NUDC: variants seen among roughly 807,000 people sequenced by gnomAD.
The protein encoded by NUDC is nuclear migration protein nudC.
Under a neutral mutation model 45.0 loss-of-function variants are expected in NUDC, and 14 were observed. The observed-to-expected ratio is 0.31, with a 90% CI of 0.21 to 0.49. The LOEUF is 0.49. NUDC is among the 20% of genes least tolerant of loss of function. The probability of loss-of-function intolerance (pLI) is 0.99; values close to 1 mark genes in which losing one functional copy is unlikely to be tolerated. For missense variants in NUDC, 323 were observed against 426.2 expected (o/e 0.76, Z 2.13); for synonymous variants, 153 against 156.7 (o/e 0.98, Z 0.17).
At chr1:26,945,809 T>G in intron 8 of NUDC, 123 bp downstream of exon 8, 1 of 819,716 alleles carries the variant, frequency 1.2e-6, no homozygotes, top group Non-Finnish European at 2.2e-6. Flanking sequence ...CAGCCATGTT[T>G]ATGGCTTTAT....
At position 26,941,616 on chromosome 1, in the gene NUDC, C is replaced by T; in HGVS notation, c.319C>T (p.Leu107=). 3 of 1,612,604 alleles carry T rather than the reference C, an allele frequency of 1.9e-6. No homozygotes were observed. The highest frequency in any genetic ancestry group is 2.2e-5 in the South Asian group (2 of 90,810). The change falls in exon 3 of 9, where the codon CTA becomes TTA. Residue 107 remains leucine, a synonymous_variant. Transcript: ENST00000321265. ...GACCTCAGGGCCCCAGATCAAGGAG[C>T]TAACTGATGAAGAGGCAGAGAGGCT... ...SETSGPQIKE[L]TDEEAERLQL...
chr1:26,920,433 A>C (rs1306260422), upstream of NUDC, among the ~76,000 whole-genome samples: 1 of 152,064 alleles, frequency 6.6e-6, no homozygotes, highest in African/African-American at 2.4e-5. Context: ...GTGAGCTGAG[A>C]TCGTGTCACT....
intron 3 of NUDC, chr1:26,911,458 C>A: frequency 2.9e-6 from 1 of 344,690 alleles, no homozygotes. Flanking sequence ...CAGTCCCTTC[C>A]ATATGCACAA....
chr1:26,933,965 C>A (rs137920258), intron 2 of NUDC, among the ~76,000 whole-genome samples: 2 of 152,010 alleles, frequency 1.3e-5, no homozygotes, highest in African/African-American at 4.8e-5. Context: ...ACATCCTGGC[C>A]AACATGGTGA....
intron 1 of NUDC, among the ~76,000 whole-genome samples, chr1:26,922,955 A>G (rs1398365037): frequency 2.6e-5 from 4 of 152,318 alleles, no homozygotes; most frequent in South Asian, 2.1e-4. Flanking sequence ...GAGCAAATTG[A>G]AAAACTGTCT....
At chr1:26,929,500 A>T (rs1235991664) in intron 2 of NUDC, among the ~76,000 whole-genome samples, 5 of 152,080 alleles carry the variant, frequency 3.3e-5, no homozygotes, top group African/African-American at 7.2e-5. Context: ...TAATCTAGGG[A>T]TGATTGAGAG....
At chr1:26,906,606 T>A (rs548316002) in intron 2 of NUDC, among the ~76,000 whole-genome samples, 21 of 152,064 alleles carry the variant, frequency 1.4e-4, no homozygotes, top group Non-Finnish European at 2.8e-4. Flanking sequence ...TCCCAGCACT[T>A]TGGGAGGCCA....
intron 2 of NUDC, among the ~76,000 whole-genome samples, chr1:26,909,539 AAGG>A (rs1378899969): frequency 1.3e-5 from 2 of 152,134 alleles, no homozygotes; most frequent in Non-Finnish European, 2.9e-5. Flanking sequence ...AGGGCCGGAG[AAGG>A]AGAAGGGTAA....
At chr1:26,913,517 A>T in intron 3 of NUDC, 1 of 1,613,262 alleles carries the variant, frequency 6.2e-7, no homozygotes. Flanking sequence ...GCAGCCAGGG[A>T]GGGCTGGGGT....
At chr1:26,913,784 G>A (rs1327637684) in intron 3 of NUDC, 3 of 1,557,252 alleles carry the variant, frequency 1.9e-6, no homozygotes, top group East Asian at 2.3e-5. Context: ...CAGGTGCGAT[G>A]AGGTGCACAT....
Position 26,943,076 on chromosome 1 carries a change from C to T in NUDC, c.741+11C>T. On this transcript the variant is annotated intron_variant, in intron 6 of 8. Coordinates refer to ENST00000321265, the MANE Select transcript of NUDC (RefSeq NM_006600.4). ...GTGCATCTGGAGAAGGTATGTGAGG[C>T]CCAGCCCTTCTAGCCTGGGGTGTTG... 2 of 1,613,834 alleles carry T rather than the reference C, an allele frequency of 1.2e-6. No individual in the cohort carries two copies. Among genetic ancestry groups the T allele is most frequent in the Non-Finnish European group, 1.7e-6 (2 of 1,179,864 alleles).
intron 6 of NUDC, 113 bp downstream of exon 6, chr1:26,943,178 CCATG>C: frequency 9.4e-6 from 10 of 1,064,188 alleles, no homozygotes; most frequent in Non-Finnish European, 1.3e-5. Context: ...ATCTTAATCC[CCATG>C]ACAACACTCT....
upstream of NUDC, among the ~76,000 whole-genome samples, chr1:26,917,174 C>G (rs2082065941): frequency 6.6e-6 from 1 of 152,098 alleles, no homozygotes; most frequent in Non-Finnish European, 1.5e-5. Context: ...GGGAGGATAG[C>G]TTGAACCTGG....
At chr1:26,926,879 G>A (rs965290019) in intron 2 of NUDC, among the ~76,000 whole-genome samples, 4 of 151,896 alleles carry the variant, frequency 2.6e-5, no homozygotes, top group Non-Finnish European at 5.9e-5. Flanking sequence ...GATTACAGGC[G>A]TGAGCCACTG....
intron 2 of NUDC, among the ~76,000 whole-genome samples, chr1:26,930,197 C>G (rs1045504523): frequency 6.6e-6 from 1 of 152,150 alleles, no homozygotes; most frequent in Non-Finnish European, 1.5e-5. Context: ...GACAGGGTCT[C>G]GCTCTGCTGC....
chr1:26,903,687 G>A (rs1158537611), intron 2 of NUDC, among the ~76,000 whole-genome samples: 2 of 152,066 alleles, frequency 1.3e-5, no homozygotes, highest in Admixed American at 6.6e-5. Context: ...GGGCAACATA[G>A]TGAGACCCTG....
intron 2 of NUDC, among the ~76,000 whole-genome samples, chr1:26,924,627 C>T (rs993665078): frequency 5.3e-5 from 8 of 152,212 alleles, no homozygotes; most frequent in African/African-American, 1.9e-4. Flanking sequence ...AATGTCGGCT[C>T]ACTGCAACTT....
At chr1:26,914,009 C>T in intron 3 of NUDC, 1 of 1,279,158 alleles carries the variant, frequency 7.8e-7, no homozygotes. Flanking sequence ...TATTTATATT[C>T]CCAGTGAGTG....
intron 2 of NUDC, among the ~76,000 whole-genome samples, chr1:26,936,362 G>T (rs1163632052): frequency 6.7e-6 from 1 of 150,158 alleles, no homozygotes; most frequent in Non-Finnish European, 1.5e-5. Flanking sequence ...GCTAATTTTT[G>T]TATTTTTAGT....
Sources: allele counts gnomAD v4.1 joint callset (sites outside exome capture counted in the v4.1 genomes callset), GRCh38; gene constraint gnomAD v4.1.1; transcripts MANE v1.5; gene names NCBI Gene and HGNC (gene_info 2026-07-23, HGNC 2026-07-21).